The following NCAM2 variants were observed in gnomAD, a reference collection of about 807,000 sequenced individuals.
NCAM2 encodes N-CAM-2.
NCAM2 carries 30 observed loss-of-function variants against 98.1 expected under a neutral mutation model. The ratio of observed to expected loss-of-function variants is 0.31; its 90% CI spans 0.23 to 0.41. NCAM2 has a LOEUF of 0.41. Among genes scored for constraint, NCAM2 ranks in the 10% least tolerant of loss-of-function variants. NCAM2 has a pLI of 1.00. For missense variants in NCAM2, 867 were observed against 1,005.8 expected (o/e 0.86, Z 1.87); for synonymous variants, 368 against 342.4 (o/e 1.07, Z -0.83).
intron 12 of NCAM2, among the ~76,000 whole-genome samples, chr21:21,432,907 T>C (rs952481326): frequency 1.3e-5 from 2 of 152,168 alleles, no homozygotes; most frequent in African/African-American, 4.8e-5. Flanking sequence ...CTCTGTTGTT[T>C]AAGACACAGA....
chr21:21,109,420 T>A (rs962937165), intron 1 of NCAM2, among the ~76,000 whole-genome samples: 1 of 152,156 alleles, frequency 6.6e-6, no homozygotes, highest in African/African-American at 2.4e-5. Flanking sequence ...TATATACACA[T>A]ACTATGTACC....
At chr21:21,188,210 A>G (rs1364307116) in intron 1 of NCAM2, among the ~76,000 whole-genome samples, 1 of 152,178 alleles carries the variant, frequency 6.6e-6, no homozygotes, top group African/African-American at 2.4e-5. Context: ...CATGAAGCAG[A>G]TAATTCAAAC....
chr21:21,007,545 G>A (rs1396763061), intron 1 of NCAM2, among the ~76,000 whole-genome samples: 2 of 152,090 alleles, frequency 1.3e-5, no homozygotes, highest in Non-Finnish European at 2.9e-5. Context: ...GGAAAGGGGT[G>A]GGCAATTCCT....
At chr21:21,379,702 A>T (rs2076109881) in intron 9 of NCAM2, among the ~76,000 whole-genome samples, 1 of 152,094 alleles carries the variant, frequency 6.6e-6, no homozygotes, top group Non-Finnish European at 1.5e-5. Context: ...ATTTTACTTG[A>T]AAAGCACATA....
At chr21:21,513,226 T>C (rs1432890633) in intron 16 of NCAM2, among the ~76,000 whole-genome samples, 1 of 152,072 alleles carries the variant, frequency 6.6e-6, no homozygotes, top group Non-Finnish European at 1.5e-5. Context: ...ATTTATTTTC[T>C]TCTACTAATT....
intron 16 of NCAM2, among the ~76,000 whole-genome samples, chr21:21,513,257 C>G (rs1988506607): frequency 6.6e-6 from 1 of 151,984 alleles, no homozygotes; most frequent in Admixed American, 6.6e-5. Context: ...TTAGCTTTGG[C>G]TCTTCCAGTT....
intron 1 of NCAM2, among the ~76,000 whole-genome samples, chr21:21,084,693 C>T (rs2065874093): frequency 6.6e-6 from 1 of 152,048 alleles, no homozygotes; most frequent in South Asian, 2.1e-4. Flanking sequence ...TGTATTTGGA[C>T]ACTTCCTCTT....
intron 16 of NCAM2, among the ~76,000 whole-genome samples, chr21:21,512,911 ACT>A (rs1185778794): frequency 1.3e-5 from 2 of 152,016 alleles, no homozygotes; most frequent in African/African-American, 4.8e-5. Context: ...TGGAAATGTT[ACT>A]GATTATTGTA....
At chr21:21,014,160 G>T (rs749486431) in intron 1 of NCAM2, among the ~76,000 whole-genome samples, 2 of 152,030 alleles carry the variant, frequency 1.3e-5, no homozygotes, top group South Asian at 4.1e-4. Context: ...TAAGAATTAC[G>T]CTAAGTCGTA....
At chr21:21,422,941 T>G (rs1278378054) in intron 11 of NCAM2, among the ~76,000 whole-genome samples, 1 of 152,150 alleles carries the variant, frequency 6.6e-6, no homozygotes, top group African/African-American at 2.4e-5. Context: ...CAAAAGATGA[T>G]TATCTGACAA....
rs998312471 is a variant in NCAM2, at chr21:21,373,935, T to A, written c.1117T>A (p.Ser373Thr). The A allele has an allele frequency of 1.2e-6, 2 of 1,611,208 alleles. No individual in the cohort carries two copies. The highest frequency in any genetic ancestry group is 2.7e-5 in the African/African-American group (2 of 74,624). Residue 373 changes from serine to threonine, a missense_variant, in exon 9 of 18, where the codon TCA becomes ACA. Ser to Thr is a moderately conservative substitution (Grantham distance 58). Around this residue, in one of 5 missense-constraint regions of NCAM2, gnomAD observed 447 missense variants for 495.7 expected, o/e 0.90. Coordinates refer to ENST00000400546, the MANE Select transcript of NCAM2 (RefSeq NM_004540.5). ...SSLHIKDVKLSDSGRYDCEAA... is the reference protein window; with the variant it reads ...SSLHIKDVKLTDSGRYDCEAA... ...ACTGCATATTAAAGATGTGAAGTTG[T>A]CAGATTCAGGGAGATATGACTGTGA... is the stretch of plus-strand genomic sequence containing the variant.
chr21:21,493,414 T>G (rs1352370559), intron 15 of NCAM2, among the ~76,000 whole-genome samples: 1 of 151,896 alleles, frequency 6.6e-6, no homozygotes, highest in Non-Finnish European at 1.5e-5. Flanking sequence ...ACTTTTAGAT[T>G]TACACCAAGA....
intron 9 of NCAM2, among the ~76,000 whole-genome samples, chr21:21,407,848 T>A (rs2076773871): frequency 6.6e-6 from 1 of 152,206 alleles, no homozygotes; most frequent in African/African-American, 2.4e-5. Context: ...AATAAAGATA[T>A]AGACGTAAAC....
intron 1 of NCAM2, among the ~76,000 whole-genome samples, chr21:21,197,107 G>A (rs926514584): frequency 1.3e-5 from 2 of 151,908 alleles, no homozygotes; most frequent in African/African-American, 2.4e-5. Flanking sequence ...GCTAAACCTC[G>A]TTTTTTTGTT....
chr21:21,072,570 T>G (rs1205346571), intron 1 of NCAM2, among the ~76,000 whole-genome samples: 2 of 152,096 alleles, frequency 1.3e-5, no homozygotes, highest in African/African-American at 4.8e-5. Flanking sequence ...AAATTAGACT[T>G]TTTGCTGGTA....
chr21:21,208,972 T>C (rs368981135), intron 1 of NCAM2, among the ~76,000 whole-genome samples: 1 of 152,298 alleles, frequency 6.6e-6, no homozygotes, highest in East Asian at 1.9e-4. Flanking sequence ...CAGGATCATT[T>C]TTTTTTAACC....
At chr21:21,111,111 C>T (rs1026767322) in intron 1 of NCAM2, among the ~76,000 whole-genome samples, 23 of 152,202 alleles carry the variant, frequency 1.5e-4, no homozygotes, top group African/African-American at 5.5e-4. Context: ...CCAAACCAAA[C>T]AGTATGTTTA....
At chr21:21,378,372 C>A (rs2076078939) in intron 9 of NCAM2, among the ~76,000 whole-genome samples, 1 of 151,938 alleles carries the variant, frequency 6.6e-6, no homozygotes, top group Admixed American at 6.6e-5. Flanking sequence ...TAAAGCCATT[C>A]TAATGAAGTG....
At chr21:21,043,666 C>T (rs369724632) in intron 1 of NCAM2, among the ~76,000 whole-genome samples, 104 of 151,712 alleles carry the variant, frequency 6.9e-4, no homozygotes, top group African/African-American at 2.3e-3. Flanking sequence ...TCCTGGCTAA[C>T]ACAGTGAAAC....
Sources: allele counts gnomAD v4.1 joint callset (sites outside exome capture counted in the v4.1 genomes callset), GRCh38; gene constraint gnomAD v4.1.1; regional missense constraint gnomAD v4.1.1; transcripts MANE v1.5; gene names NCBI Gene and HGNC (gene_info 2026-07-23, HGNC 2026-07-21).